The following FREM3 variants were observed in gnomAD, a reference collection of about 807,000 sequenced individuals.
FREM3 encodes the protein FRAS1-related extracellular matrix protein 3.
FREM3 carries 105 observed loss-of-function variants against 129.1 expected under a neutral mutation model. The ratio of observed to expected loss-of-function variants is 0.81; its 90% CI spans 0.69 to 0.96. FREM3 has a LOEUF of 0.96. Among genes scored for constraint, FREM3 ranks in the 40% least tolerant of loss-of-function variants. The pLI is 0.00. For synonymous variants in FREM3, 1,014 were observed against 1,044.9 expected (o/e 0.97, Z 0.57); for missense variants, 2,593 against 2,666.3 (o/e 0.97, Z 0.61).
At chr4:143,628,469 A>G (rs912382758) in intron 2 of FREM3, among the ~76,000 whole-genome samples, 1 of 152,134 alleles carries the variant, frequency 6.6e-6, no homozygotes, top group African/African-American at 2.4e-5. Context: ...GTTGCTACAA[A>G]TAATCACCCG....
intron 2 of FREM3, among the ~76,000 whole-genome samples, chr4:143,669,605 A>G (rs1057302797): frequency 6.6e-6 from 1 of 150,820 alleles, no homozygotes; most frequent in Non-Finnish European, 1.5e-5. Context: ...TCAATTTTAT[A>G]TGAAGTTTTA....
chr4:143,647,703 G>A (rs926497723), intron 2 of FREM3, among the ~76,000 whole-genome samples: 1 of 152,160 alleles, frequency 6.6e-6, no homozygotes, highest in African/African-American at 2.4e-5. Flanking sequence ...AAGAATTGGT[G>A]TTTGGGAACC....
At chr4:143,674,035 C>A (rs1002583750) in intron 2 of FREM3, among the ~76,000 whole-genome samples, 4 of 152,358 alleles carry the variant, frequency 2.6e-5, no homozygotes, top group Non-Finnish European at 4.4e-5. Flanking sequence ...ACCCCTTGCA[C>A]TTCCTGGGTG....
intron 2 of FREM3, among the ~76,000 whole-genome samples, chr4:143,670,425 A>G (rs544157851): frequency 3.0e-4 from 46 of 152,300 alleles, no homozygotes; most frequent in African/African-American, 1.0e-3. Context: ...TCTACTTACT[A>G]GGCACATGTG....
chr4:143,695,868 T>C lies in FREM3; in HGVS notation c.4808A>G (p.Lys1603Arg), dbSNP rs1445633868. 9.1e-6 allele frequency: 14 copies of C among 1,537,402 alleles called. No individual in the cohort carries two copies. Among genetic ancestry groups the C allele is most frequent in the Non-Finnish European group, 1.2e-5 (14 of 1,146,986 alleles). ...GTCATGCTTGTAGCTAATCAGGTTC[T>C]TGTTCAGGTCTTGCTTGGTGAAAGT... ...VTTFTKQDLN[K>R]NLISYKHDGS... Residue 1603 changes from lysine to arginine, a missense_variant, in exon 1 of 8, where the codon AAG becomes AGG. Physicochemically the swap from Lys to Arg is conservative, Grantham distance 26. Around this residue, in one of 2 missense-constraint regions of FREM3, gnomAD observed 2,276 missense variants for 2,267.2 expected, o/e 1.00. Transcript: ENST00000329798.
rs1738229669 is a variant in FREM3, at chr4:143,585,738, A to T, written c.6178+106T>A. On this transcript the variant is annotated intron_variant, in intron 7 of 7. Transcript: ENST00000329798. The surrounding 1 kb of genome is among the most constrained non-coding windows in gnomAD (Gnocchi z 4.2). ...ACGTGCTGAAGCCAGAGAAACTTTCATTCAGAGTCCATCAACAAAGACTAA... is the reference window on the plus strand; with the variant it reads ...ACGTGCTGAAGCCAGAGAAACTTTCTTTCAGAGTCCATCAACAAAGACTAA... 9.4e-6 allele frequency: 11 copies of T among 1,168,416 alleles called. No individual in the cohort carries two copies. The highest frequency in any genetic ancestry group is 1.3e-5 in the Non-Finnish European group (11 of 851,142). 72.4% of individuals were successfully genotyped at this position (1,168,416 alleles called of 1,614,324 possible).
rs372437957 is a variant in FREM3, at chr4:143,697,223, A to G, written c.3453T>C (p.Tyr1151=). Residue 1151 remains tyrosine, a synonymous_variant, in exon 1 of 8, where the codon TAT becomes TAC. Coordinates refer to ENST00000329798, the MANE Select transcript of FREM3 (RefSeq NM_001168235.2). ...CTACTCCCTTGTGAATACTCTGTAC[A>G]TAATTGATATGCCTCACTTGGATAT... ...LRDIQVRHIN[Y]VQSIHKGVEP... The G allele has an allele frequency of 5.2e-6, 8 of 1,537,628 alleles. No individual in the cohort carries two copies. Among genetic ancestry groups the G allele is most frequent in the Non-Finnish European group, 6.1e-6 (7 of 1,146,966 alleles).
Position 143,695,516 on chromosome 4 carries a change from G to C in FREM3, c.5160C>G (p.Asn1720Lys), listed in dbSNP as rs1275099082. ...HGFIIKTGLG[N>K]QSTRVFTQAD... is the part of the protein sequence containing the mutation. The stretch of plus-strand genomic sequence containing the variant: ...CTTGTGTAAACACTCGAGTGCTCTG[G>C]TTTCCAAGGCCAGTTTTGATAATGA... Residue 1720 changes from asparagine to lysine, a missense_variant, in exon 1 of 8, where the codon AAC (asparagine) becomes AAG (lysine). Transcript: ENST00000329798. The C allele has an allele frequency of 1.3e-6, 2 of 1,537,354 alleles. No homozygotes were observed. The highest frequency in any genetic ancestry group is 4.9e-5 in the East Asian group (2 of 40,932).
At chr4:143,635,074 A>G (rs1739211597) in intron 2 of FREM3, among the ~76,000 whole-genome samples, 1 of 152,118 alleles carries the variant, frequency 6.6e-6, no homozygotes, top group Non-Finnish European at 1.5e-5. Flanking sequence ...TGAAAACCCA[A>G]TTTATGTAAG....
intron 2 of FREM3, among the ~76,000 whole-genome samples, chr4:143,684,004 C>T (rs1007491624): frequency 9.2e-5 from 14 of 152,130 alleles, no homozygotes; most frequent in African/African-American, 3.4e-4. Context: ...GCTGCAAGAC[C>T]CACCCAAGGA....
At chr4:143,622,700 C>T (rs1738973130) in intron 4 of FREM3, among the ~76,000 whole-genome samples, 1 of 152,106 alleles carries the variant, frequency 6.6e-6, no homozygotes, top group Non-Finnish European at 1.5e-5. Context: ...TTAAAATTAT[C>T]AATGTCATAT....
intron 2 of FREM3, among the ~76,000 whole-genome samples, chr4:143,681,744 A>G (rs1740254577): frequency 6.6e-6 from 1 of 152,190 alleles, no homozygotes; most frequent in Non-Finnish European, 1.5e-5. Flanking sequence ...GAAGAGAAGA[A>G]AACTTGTATT....
At chr4:143,688,028 G>C (rs1230210896) in intron 2 of FREM3, among the ~76,000 whole-genome samples, 2 of 152,084 alleles carry the variant, frequency 1.3e-5, no homozygotes, top group African/African-American at 4.8e-5. Context: ...TCAGAAAAGA[G>C]GAAGAAATAA....
chr4:143,699,666 G>C lies in FREM3; in HGVS notation c.1010C>G (p.Ser337Ter). 1 of 1,529,504 alleles carries C rather than the reference G, an allele frequency of 6.5e-7. No individual in the cohort carries two copies. The highest frequency in any genetic ancestry group is 1.4e-5 in the African/African-American group (1 of 73,110). 94.7% of individuals were successfully genotyped at this position (1,529,504 alleles called of 1,614,324 possible). A position where few individuals can be genotyped will look rare whatever the true frequency, so the allele number is the denominator to read the frequency against. The change falls in exon 1 of 8, where the codon TCA becomes TGA. Residue 337 changes from serine to a stop codon, truncating the protein, a stop_gained. Transcript: ENST00000329798. LOFTEE classifies it high-confidence loss of function. This position sits in a 1 kb window ranked among gnomAD's most constrained non-coding sequence, Gnocchi z 4.2. ...PDALAAEDVE[S>*]DPGDLVFNIL... ...GTTGAACACCAGGTCACCAGGGTCT[G>C]ACTCGACGTCCTCCGCGGCCAGTGC...
At chr4:143,579,612 CA>C (rs1738098105) in intron 7 of FREM3, among the ~76,000 whole-genome samples, 1 of 152,024 alleles carries the variant, frequency 6.6e-6, no homozygotes, top group African/African-American at 2.4e-5. Flanking sequence ...TCTTCAACTG[CA>C]AAATGGGGAT....
intron 2 of FREM3, among the ~76,000 whole-genome samples, chr4:143,675,352 G>C (rs1489503535): frequency 6.6e-6 from 1 of 152,022 alleles, no homozygotes; most frequent in Non-Finnish European, 1.5e-5. Context: ...CGAGAACAAA[G>C]ACACAACATA....
rs576975164 is a variant in FREM3, at chr4:143,698,978, T to A, written c.1698A>T (p.Val566=). ...CAGAGTCAATATCAGTAGCACTCAG[T>A]ACAAAGGGAGAGATCTGGACCACCT... ...EGQVVQISPF[V]LSATDIDSED... The change falls in exon 1 of 8, where the codon GTA becomes GTT. Residue 566 remains valine (V), a synonymous_variant. Transcript: ENST00000329798. 6.5e-7 allele frequency: 1 copy of A among 1,537,170 alleles called. No homozygotes were observed. Among genetic ancestry groups the A allele is most frequent in the Non-Finnish European group, 8.7e-7 (1 of 1,146,894 alleles).
intron 5 of FREM3, among the ~76,000 whole-genome samples, chr4:143,620,436 A>T (rs79726114): frequency 1.3e-5 from 2 of 152,136 alleles, no homozygotes; most frequent in African/African-American, 4.8e-5. Flanking sequence ...CGTTTTCTGC[A>T]TAGTTGCTAA....
chr4:143,684,911 C>G (rs1335883819), intron 2 of FREM3, among the ~76,000 whole-genome samples: 5 of 152,026 alleles, frequency 3.3e-5, no homozygotes, highest in African/African-American at 1.2e-4. Context: ...AAAGAAATTT[C>G]TAGCTCAAAG....
Sources: gnomAD v4.1 joint callset for allele counts (sites outside exome capture counted in the v4.1 genomes callset) on GRCh38, gnomAD v4.1.1 for gene constraint, gnomAD v4.1.1 regional missense constraint, Gnocchi (gnomAD v3.1) non-coding constraint, MANE v1.5 for transcripts, NCBI Gene and HGNC (gene_info 2026-07-23, HGNC 2026-07-21) for gene names.